The following RBFOX1 variants were observed in gnomAD, a reference collection of about 807,000 sequenced individuals.
RBFOX1 encodes RNA binding fox-1 homolog 1.
Under a neutral mutation model 57.7 loss-of-function variants are expected in RBFOX1, and 8 were observed. The observed-to-expected ratio is 0.14, with a 90% confidence interval of 0.08 to 0.25. The LOEUF (loss-of-function observed/expected upper bound fraction) is 0.25. Ranked by LOEUF, RBFOX1 falls within the 10% of genes least tolerant of loss-of-function variation. The pLI, the probability that RBFOX1 is intolerant of heterozygous loss-of-function variation, is 1.00. For missense variants in RBFOX1, 611 were observed against 548.5 expected (o/e 1.11, Z -1.14); for synonymous variants, 326 against 222.4 (o/e 1.47, Z -4.15).
chr16:6,362,758 G>A (rs955431804), intron 2 of RBFOX1, among the ~76,000 whole-genome samples: 15 of 152,138 alleles, frequency 9.9e-5, no homozygotes, highest in Non-Finnish European at 1.6e-4. Flanking sequence ...GGAGATGGAT[G>A]GCTTATTTTT....
At position 5,790,096 on chromosome 16, in the gene RBFOX1, C is replaced by G. The variant is rs368046761; in HGVS notation, c.319-77207C>G. Among the ~76,000 whole-genome samples the G allele has an allele frequency of 4.9e-4, 75 of 152,358 alleles. 2 individuals are homozygous for G. In the South Asian group the frequency reaches 0.014, roughly 29 times the overall value. ...CTCCAGGCTGCTACCACTCAGCAGG[C>G]CTTCCTCCATCTTCAGCATTTGACC... On this transcript the variant is annotated intron_variant, in intron 3 of 19. Transcript: ENST00000641259.
rs560082887 is a variant in RBFOX1, at chr16:5,830,364, A to G, written c.319-36939A>G. ...ACCTAATGAGATCATTAAATTTCCA[A>G]TCATTTTGCTTTTTGTTTTTTTTTT... On this transcript the variant is annotated intron_variant, in intron 3 of 19. Transcript: ENST00000641259. Among the ~76,000 whole-genome samples the G allele has an allele frequency of 1.3e-3, 202 of 151,316 alleles. 2 individuals carry two copies. Among genetic ancestry groups the G allele is most frequent in the African/African-American group, 4.6e-3 (188 of 41,298 alleles).
chr16:5,476,465 T>C (rs1056980829), intron 2 of RBFOX1, among the ~76,000 whole-genome samples: 2 of 152,202 alleles, frequency 1.3e-5, no homozygotes, highest in African/African-American at 2.4e-5. Context: ...ATAGTTTTAA[T>C]TGGACCGTGA....
intron 3 of RBFOX1, among the ~76,000 whole-genome samples, chr16:5,809,875 C>T (rs1006590752): frequency 3.3e-5 from 5 of 151,998 alleles, no homozygotes; most frequent in South Asian, 2.1e-4. Flanking sequence ...CACATGCACA[C>T]GTATGTTTTT....
intron 3 of RBFOX1, among the ~76,000 whole-genome samples, chr16:6,933,867 T>C (rs926410242): frequency 1.3e-5 from 2 of 152,240 alleles, no homozygotes; most frequent in African/African-American, 4.8e-5. Context: ...TGGGATTTCA[T>C]TATTTTGTTT....
chr16:6,932,428 C>T (rs552241497), intron 3 of RBFOX1, among the ~76,000 whole-genome samples: 6 of 152,252 alleles, frequency 3.9e-5, no homozygotes, highest in African/African-American at 1.4e-4. Context: ...CTAAAGGTCT[C>T]ACCTCACAAT....
At chr16:5,479,057 G>T (rs1029753846) in intron 2 of RBFOX1, among the ~76,000 whole-genome samples, 1 of 152,156 alleles carries the variant, frequency 6.6e-6, no homozygotes, top group African/African-American at 2.4e-5. Flanking sequence ...CTTGCCATCT[G>T]TTCCCTTCCA....
chr16:5,276,640 G>T (rs1053498438), intron 1 of RBFOX1, among the ~76,000 whole-genome samples: 9 of 152,070 alleles, frequency 5.9e-5, no homozygotes, highest in African/African-American at 2.2e-4. Flanking sequence ...AAAATTAGCC[G>T]GGCATGGTGG....
chr16:5,304,316 AG>A (rs1211534135), intron 1 of RBFOX1, among the ~76,000 whole-genome samples: 11 of 152,234 alleles, frequency 7.2e-5, no homozygotes, highest in Non-Finnish European at 1.6e-4. Flanking sequence ...ACATTAAATC[AG>A]GAGGCTCCTA....
At chr16:7,452,683 T>TA in intron 4 of RBFOX1, among the ~76,000 whole-genome samples, 1 of 152,176 alleles carries the variant, frequency 6.6e-6, no homozygotes, top group South Asian at 2.1e-4. Flanking sequence ...TTCATGAATT[T>TA]TAGGCTACAC....
intron 1 of RBFOX1, among the ~76,000 whole-genome samples, chr16:5,386,175 G>A (rs1596780412): frequency 1.3e-5 from 2 of 151,714 alleles, no homozygotes; most frequent in South Asian, 4.2e-4. Context: ...GTCAAAGCTA[G>A]CAATAAGAAA....
intron 4 of RBFOX1, among the ~76,000 whole-genome samples, chr16:7,171,332 G>C (rs1349425103): frequency 6.6e-6 from 1 of 152,108 alleles, no homozygotes; most frequent in East Asian, 1.9e-4. Context: ...TTGCTGTGAG[G>C]GTTCAGTGGG....
At chr16:6,648,005 C>T (rs1055044795) in intron 2 of RBFOX1, among the ~76,000 whole-genome samples, 1 of 152,126 alleles carries the variant, frequency 6.6e-6, no homozygotes, top group Non-Finnish European at 1.5e-5. Flanking sequence ...CCATGCCCAG[C>T]TAATTTTTGT....
rs2093938991 is a variant in RBFOX1 at position 6,426,691 on chromosome 16, C to CCCCT, written c.-64+109635_-64+109638dup. 5.9e-5 allele frequency among the ~76,000 whole-genome samples: 9 copies of CCCCT among 152,276 alleles called. No homozygotes were observed. In the South Asian group the frequency reaches 1.9e-3, roughly 32 times the overall value. On this transcript the variant is annotated intron_variant, in intron 2 of 15. Coordinates refer to ENST00000550418, the MANE Select transcript of RBFOX1 (RefSeq NM_018723.4). Reference sequence around the variant, plus strand: ...CACCTCAGAAAGACCGGCAGAGAGGCCCCTATACCCCCATTGAGACAGAAG... The same window carrying CCCCT: ...CACCTCAGAAAGACCGGCAGAGAGGCCCCTCCCTATACCCCCATTGAGACAGAAG...
chr16:7,109,071 T>A (rs2064147427), intron 4 of RBFOX1, among the ~76,000 whole-genome samples: 1 of 152,184 alleles, frequency 6.6e-6, no homozygotes, highest in African/African-American at 2.4e-5. Context: ...TCTGAAAATT[T>A]ATTGATGAGC....
chr16:6,609,382 T>C (rs1027145238), intron 2 of RBFOX1, among the ~76,000 whole-genome samples: 1 of 152,144 alleles, frequency 6.6e-6, no homozygotes, highest in African/African-American at 2.4e-5. Flanking sequence ...TCTCACTCTG[T>C]TGTCCAGGCT....
intron 3 of RBFOX1, among the ~76,000 whole-genome samples, chr16:6,657,747 C>G (rs566832485): frequency 6.6e-6 from 1 of 152,144 alleles, no homozygotes; most frequent in African/African-American, 2.4e-5. Flanking sequence ...TCTGAAGCGG[C>G]AGCCTCTTGG....
At position 6,224,857 on chromosome 16, in the gene RBFOX1, T is replaced by G. The variant is rs573981360; in HGVS notation, c.-126-92138T>G. On this transcript the variant is annotated intron_variant, in intron 1 of 15. Coordinates refer to ENST00000550418, the MANE Select transcript of RBFOX1 (RefSeq NM_018723.4). ...CCAACATGGGAAACCCCATCTCTAT[T>G]TAATACAAAAAATTAGCTGGGTGTG... Among the ~76,000 whole-genome samples the G allele has an allele frequency of 2.8e-4, 43 of 151,868 alleles. No homozygotes were observed. The East Asian group carries it at 8.0e-3, about 28-fold the overall frequency.
At chr16:6,385,934 TCTTTC>T (rs1231854979) in intron 2 of RBFOX1, among the ~76,000 whole-genome samples, 2 of 54,000 alleles carry the variant, frequency 3.7e-5, no homozygotes, top group African/African-American at 5.1e-5. Flanking sequence ...TTCTTTTTTT[TCTTTC>T]TTTTTTTTTT....
Sources: allele counts gnomAD v4.1 joint callset (sites outside exome capture counted in the v4.1 genomes callset), GRCh38; gene constraint gnomAD v4.1.1; transcripts MANE v1.5; gene names NCBI Gene and HGNC (gene_info 2026-07-23, HGNC 2026-07-21).